The following POMT1 variants were observed in gnomAD, a reference collection of about 807,000 sequenced individuals.
POMT1 encodes the protein protein O-mannosyl-transferase 1.
In POMT1, 85 loss-of-function variants were observed where a neutral mutation model predicts 101.6. That is an observed-to-expected ratio of 0.84 (90% confidence interval 0.70 to 1.00). POMT1 has a LOEUF of 1.00. Ranked by LOEUF, POMT1 falls within the 50% of genes least tolerant of loss-of-function variation. The probability of loss-of-function intolerance (pLI) is 0.00; values close to 1 mark genes in which losing one functional copy is unlikely to be tolerated. For synonymous variants in POMT1, 371 were observed against 383.0 expected (o/e 0.97, Z 0.37); for missense variants, 857 against 930.4 (o/e 0.92, Z 1.03).
rs1554778053 is a variant in POMT1 at position 131,515,479 on chromosome 9, T to C, written c.1229T>C (p.Ile410Thr). The C allele has an allele frequency of 1.9e-6, 3 of 1,614,236 alleles. No individual in the cohort carries two copies. Among genetic ancestry groups the C allele is most frequent in the Non-Finnish European group, 2.5e-6 (3 of 1,180,040 alleles). The change falls in exon 13 of 20, where the codon ATT becomes ACT. Residue 410 changes from isoleucine to threonine, a missense_variant. Ile to Thr is a moderately conservative substitution (Grantham distance 89). Coordinates refer to ENST00000402686, the MANE Select transcript of POMT1 (RefSeq NM_001077365.2). ...CATTCACAGGAGGTCTCCTGCTACATTGACTATAACATCTCCATGCCCGCC... is the reference window on the plus strand; with the variant it reads ...CATTCACAGGAGGTCTCCTGCTACACTGACTATAACATCTCCATGCCCGCC... ...SPHSQEVSCY[I>T]DYNISMPAQN... is the part of the protein sequence containing the mutation.
In POMT1 at chr9:131,515,373, G is replaced by T; in HGVS notation, c.1176-53G>T. ...TTCCTGCCTGAAAGATTTAGTAATT[G>T]CCTTCCAGAGGAGTTCAAGGAATTT... On this transcript the variant is annotated intron_variant, in intron 12 of 19. Transcript: ENST00000402686. 3 of 1,546,300 alleles carry T rather than the reference G, an allele frequency of 1.9e-6. No individual in the cohort carries two copies. In the Middle Eastern group the frequency reaches 5.0e-4, roughly 260 times the overall value.
In POMT1 at chr9:131,518,851, C is replaced by T. The variant is rs780352664; in HGVS notation, c.1380C>T (p.His460=). ...GGTGTCACCAGCTGAGCGGGGCTCACCTCCCTGACTGGGGGTATCGGCAAC... is the reference window on the plus strand; with the variant it reads ...GGTGTCACCAGCTGAGCGGGGCTCATCTCCCTGACTGGGGGTATCGGCAAC... The part of the protein sequence containing the change: ...TSAVLKLSGA[H]LPDWGYRQLE... Residue 460 remains histidine (H), a synonymous_variant, in exon 15 of 20, where the codon CAC becomes CAT. Transcript: ENST00000402686. 5 of 1,614,002 alleles carry T rather than the reference C, an allele frequency of 3.1e-6. No individual in the cohort carries two copies. The Admixed American group carries it at 6.7e-5, about 22-fold the overall frequency.
At chr9:131,509,101 C>A (rs1028913081) in intron 6 of POMT1, 79 bp downstream of exon 6, 2 of 1,046,980 alleles carry the variant, frequency 1.9e-6, no homozygotes, top group Non-Finnish European at 3.0e-6. Flanking sequence ...GGTCCAGTAC[C>A]TTTTTTTGTT....
chr9:131,509,581 G>A (rs945730753), intron 6 of POMT1, among the ~76,000 whole-genome samples, 162 bp from the exon 7 acceptor site: 2 of 152,190 alleles, frequency 1.3e-5, no homozygotes, highest in Non-Finnish European at 2.9e-5. Flanking sequence ...AAATTCTGCT[G>A]GGATGGATAC....
intron 12 of POMT1, among the ~76,000 whole-genome samples, chr9:131,514,001 C>T (rs1273549252): frequency 2.0e-5 from 3 of 152,232 alleles, no homozygotes; most frequent in Non-Finnish European, 2.9e-5. Flanking sequence ...TCCACAGGGG[C>T]GGTCTCTGGC....
At chr9:131,517,919 T>C (rs543676799) in intron 13 of POMT1, among the ~76,000 whole-genome samples, 1 of 152,362 alleles carries the variant, frequency 6.6e-6, no homozygotes, top group East Asian at 1.9e-4. Flanking sequence ...TATGGGAAAA[T>C]GACAGTCATG....
At position 131,519,223 on chromosome 9, in the gene POMT1, G is replaced by T. The variant is rs749590; in HGVS notation, c.1487-166G>T. 6.6e-6 allele frequency among the ~76,000 whole-genome samples: 1 copy of T among 152,272 alleles called. No individual in the cohort carries two copies. The highest frequency in any genetic ancestry group is 2.1e-4 in the South Asian group (1 of 4,828). ...AGGGTCGAAATCACCTCATTTGACCGGGCAGTCTTGGGTGTGGTGGGGAAA... is the reference window on the plus strand; with the variant it reads ...AGGGTCGAAATCACCTCATTTGACCTGGCAGTCTTGGGTGTGGTGGGGAAA... On this transcript the variant is annotated intron_variant, in intron 15 of 19. Transcript: ENST00000402686. The surrounding 1 kb of genome is among the most constrained non-coding windows in gnomAD (Gnocchi z 4.3).
chr9:131,523,498 A>AT lies in POMT1; in HGVS notation c.*393dup. The AT allele has an allele frequency of 3.2e-6, 1 of 317,264 alleles. No homozygotes were observed. Among genetic ancestry groups the AT allele is most frequent in the Non-Finnish European group, 6.2e-6 (1 of 162,310 alleles). 19.7% of individuals were successfully genotyped at this position (317,264 alleles called of 1,614,324 possible). ...GATCTGGCAGACCCGATCCTCCTTC[A>AT]TGAACACCCAGCAACCTGAGCAAGT... On this transcript the variant is annotated 3_prime_UTR_variant, in exon 20 of 20. Coordinates refer to ENST00000402686, the MANE Select transcript of POMT1 (RefSeq NM_001077365.2).
Position 131,519,403 on chromosome 9 carries a change from G to C in POMT1, c.1501G>C (p.Glu501Gln). 1.3e-6 allele frequency: 2 copies of C among 1,552,048 alleles called. No individual in the cohort carries two copies. Among genetic ancestry groups the C allele is most frequent in the Non-Finnish European group, 8.7e-7 (1 of 1,147,246 alleles). The part of the protein sequence containing the change: ...HRYGASQEQR[E>Q]RERELHSPAQ... Reference sequence around the variant, plus strand: ...TGTTCTGCCAGGCCAGGAGCAGAGGGAGCGGGAACGGGAGCTGCACTCACC... The same window carrying C: ...TGTTCTGCCAGGCCAGGAGCAGAGGCAGCGGGAACGGGAGCTGCACTCACC... Residue 501 changes from glutamate (E) to glutamine (Q), a missense_variant, in exon 16 of 20, where the codon GAG becomes CAG. By Grantham distance (29) the Glu-to-Gln change is conservative. Transcript: ENST00000402686. This position sits in a 1 kb window ranked among gnomAD's most constrained non-coding sequence, Gnocchi z 4.3.
Position 131,515,533 on chromosome 9 carries a change from C to A in POMT1, c.1272+11C>A, listed in dbSNP as rs965379210. On this transcript the variant is annotated intron_variant, in intron 13 of 19. Transcript: ENST00000402686. Reference sequence around the variant, plus strand: ...AACCTCTGGAGACTGGTGAGTAAGGCTGCGGCTATAGCAGCCACAACCGTC... The same window carrying A: ...AACCTCTGGAGACTGGTGAGTAAGGATGCGGCTATAGCAGCCACAACCGTC... The A allele has an allele frequency of 1.2e-5, 20 of 1,612,192 alleles. No homozygotes were observed. Among genetic ancestry groups the A allele is most frequent in the Non-Finnish European group, 1.7e-5 (20 of 1,178,450 alleles).
At position 131,518,860 on chromosome 9, in the gene POMT1, C is replaced by T; in HGVS notation, c.1389C>T (p.Asp463=). Residue 463 remains aspartate, a synonymous_variant, in exon 15 of 20, where the codon GAC becomes GAT. Coordinates refer to ENST00000402686, the MANE Select transcript of POMT1 (RefSeq NM_001077365.2). ...VLKLSGAHLP[D]WGYRQLEIVG... The stretch of plus-strand genomic sequence containing the variant: ...AGCTGAGCGGGGCTCACCTCCCTGA[C>T]TGGGGGTATCGGCAACTGGAGATCG... The T allele has an allele frequency of 6.2e-7, 1 of 1,614,012 alleles. No homozygotes were observed. Among genetic ancestry groups the T allele is most frequent in the East Asian group, 2.2e-5 (1 of 44,882 alleles).
Position 131,518,553 on chromosome 9 carries a change from G to T in POMT1, c.1365+16G>T. On this transcript the variant is annotated intron_variant, in intron 14 of 19. Transcript: ENST00000402686. ...TGTCTTAAAGGTAAGGACACTGTCC[G>T]TGGCTTGGCCTGTCCTGAGCTGTGG... 6.2e-7 allele frequency: 1 copy of T among 1,606,866 alleles called. No individual in the cohort carries two copies. Among genetic ancestry groups the T allele is most frequent in the Non-Finnish European group, 8.5e-7 (1 of 1,173,730 alleles).
chr9:131,520,185 A>C lies in POMT1; in HGVS notation c.1690A>C (p.Arg564=). ...DTNIAYWLHP[R]TSAQIHLLGN... ...CAATATTGCCTACTGGCTGCACCCC[A>C]GGACCAGCGTAAGCGAGCGATGCTG... Residue 564 remains arginine, a synonymous_variant, in exon 17 of 20, where the codon AGG becomes CGG. Transcript: ENST00000402686. 1 of 1,612,928 alleles carries C rather than the reference A, an allele frequency of 6.2e-7. No individual in the cohort carries two copies. Among genetic ancestry groups the C allele is most frequent in the Non-Finnish European group, 8.5e-7 (1 of 1,179,406 alleles).
chr9:131,514,777 G>A (rs1947923694), intron 12 of POMT1, among the ~76,000 whole-genome samples: 1 of 152,196 alleles, frequency 6.6e-6, no homozygotes, highest in Admixed American at 6.5e-5. Flanking sequence ...CCAACATGGT[G>A]AAACCCCGTC....
rs10257 is a variant in POMT1 at position 131,523,527 on chromosome 9, G to A, written c.*421G>A. The stretch of plus-strand genomic sequence containing the variant: ...ACACCCAGCAACCTGAGCAAGTCCC[G>A]GCCCTGCCCTCAGCGAGCCCGGCAG... On this transcript the variant is annotated 3_prime_UTR_variant, in exon 20 of 20. Coordinates refer to ENST00000402686, the MANE Select transcript of POMT1 (RefSeq NM_001077365.2). The A allele has an allele frequency of 0.12, 34,436 of 290,222 alleles. 2,480 individuals are homozygous for A. The highest frequency in any genetic ancestry group is 0.15 in the Non-Finnish European group (22,480 of 148,610). The allele number at this position is 290,222 out of a possible 1,614,324, so 18.0% of individuals were successfully genotyped here.
chr9:131,506,103 T>G lies in POMT1; in HGVS notation c.123-11T>G, dbSNP rs747978046. The stretch of plus-strand genomic sequence containing the variant: ...ATTGAATATAATATGGGTTGTTGTT[T>G]TTTTTTCTAGTTTTGACGAAGTATA... On this transcript the variant is annotated splice_polypyrimidine_tract_variant and intron_variant, in intron 2 of 19. Transcript: ENST00000402686. 35 of 1,613,742 alleles carry G rather than the reference T, an allele frequency of 2.2e-5. No homozygotes were observed. The highest frequency in any genetic ancestry group is 1.2e-4 in the South Asian group (11 of 91,050).
chr9:131,504,647 G>A (rs948813010), intron 2 of POMT1, among the ~76,000 whole-genome samples: 1 of 152,082 alleles, frequency 6.6e-6, no homozygotes, highest in African/African-American at 2.4e-5. Flanking sequence ...AATGGATTTG[G>A]AAGTAAGTCT....
At chr9:131,520,772 G>A (rs1949761593) in intron 17 of POMT1, among the ~76,000 whole-genome samples, 1 of 152,208 alleles carries the variant, frequency 6.6e-6, no homozygotes, top group Non-Finnish European at 1.5e-5. Flanking sequence ...GTTACAAAGT[G>A]GAGTCATCTG....
intron 9 of POMT1, chr9:131,510,786 G>A (rs996747403): frequency 1.6e-4 from 57 of 350,396 alleles, no homozygotes; most frequent in East Asian, 1.5e-4. Flanking sequence ...GATTATAGGC[G>A]TGAGCCACCG....
Sources: allele counts gnomAD v4.1 joint callset (sites outside exome capture counted in the v4.1 genomes callset), GRCh38; gene constraint gnomAD v4.1.1; non-coding constraint Gnocchi (gnomAD v3.1); transcripts MANE v1.5; gene names NCBI Gene and HGNC (gene_info 2026-07-23, HGNC 2026-07-21).